The following CAPN15 variants were observed in gnomAD, a reference collection of about 807,000 sequenced individuals.
The protein encoded by CAPN15 is calpain-15.
CAPN15 carries 53 observed loss-of-function variants against 97.9 expected under a neutral mutation model. The ratio of observed to expected loss-of-function variants is 0.54; its 90% CI spans 0.43 to 0.68. CAPN15 has a LOEUF of 0.68. CAPN15 is among the 30% of genes least tolerant of loss of function. CAPN15 has a pLI of 0.00. For synonymous variants in CAPN15, 922 were observed against 722.5 expected (o/e 1.28, Z -4.43); for missense variants, 1,592 against 1,589.8 (o/e 1.00, Z -0.02).
chr16:545,090 C>G (rs1037117160), intron 3 of CAPN15, among the ~76,000 whole-genome samples: 1 of 151,962 alleles, frequency 6.6e-6, no homozygotes, highest in African/African-American at 2.4e-5. Flanking sequence ...TACTTCCAGG[C>G]TTTGGCGGTC....
chr16:534,175 G>A (rs185797041), intron 2 of CAPN15, among the ~76,000 whole-genome samples, 177 bp downstream of exon 2: 3 of 152,278 alleles, frequency 2.0e-5, no homozygotes, highest in Admixed American at 6.5e-5. Context: ...TCTCCCAGCC[G>A]TTTGGGCCGT....
At chr16:528,152 G>C (rs1458532623) in intron 1 of CAPN15, 123 bp downstream of exon 1, 5 of 150,460 alleles carry the variant, frequency 3.3e-5, no homozygotes, top group Admixed American at 3.3e-4. Flanking sequence ...GGGGCCGGGC[G>C]CGCCGGGCTC....
At position 551,443 on chromosome 16, in the gene CAPN15, C is replaced by G; in HGVS notation, c.2192+16C>G. ...AGGGCACCAGGTAGGGCCGGCCTGG[C>G]TGAGGGTGGGTGGGGTGCCGGTGAG... On this transcript the variant is annotated intron_variant, in intron 8 of 13. Transcript: ENST00000219611. 1 of 1,602,210 alleles carries G rather than the reference C, an allele frequency of 6.2e-7. No homozygotes were observed. Among genetic ancestry groups the G allele is most frequent in the African/African-American group, 1.3e-5 (1 of 74,846 alleles).
chr16:549,839 G>A lies in CAPN15; in HGVS notation c.2066+1G>A. The A allele has an allele frequency of 6.4e-7, 1 of 1,571,834 alleles. No homozygotes were observed. Among genetic ancestry groups the A allele is most frequent in the African/African-American group, 1.4e-5 (1 of 73,990 alleles). ...AAATGCTGAGTTCTAAGGAGGCTGG[G>A]TAAGAGGAGGGGCACTGCGTGGTCA... is the stretch of plus-strand genomic sequence containing the variant. On this transcript the variant is annotated splice_donor_variant, in intron 7 of 13. Transcript: ENST00000219611. LOFTEE classifies it high-confidence loss of function.
chr16:550,911 C>T (rs377744061), intron 7 of CAPN15, among the ~76,000 whole-genome samples: 2 of 126,158 alleles, frequency 1.6e-5, no homozygotes, highest in African/African-American at 7.8e-5. Context: ...GTGAGGGTCC[C>T]GGTCAGTGAG....
Position 552,600 on chromosome 16 carries a change from T to TG in CAPN15, c.2738-4dup. On this transcript the variant is annotated splice_polypyrimidine_tract_variant and splice_region_variant and intron_variant, in intron 11 of 13. Coordinates refer to ENST00000219611, the MANE Select transcript of CAPN15 (RefSeq NM_005632.3). The surrounding 1 kb of genome is among the most constrained non-coding windows in gnomAD (Gnocchi z 6.4). ...GGGCTGCGGTTCACACGCCCGTCCT[T>TG]GTAGCCTCCAGCCCCTCGGCAGGGG... 6.5e-7 allele frequency: 1 copy of TG among 1,542,344 alleles called. No individual in the cohort carries two copies.
In CAPN15 at chr16:551,580, A is replaced by G. The variant is rs2035081395; in HGVS notation, c.2261A>G (p.His754Arg). Residue 754 changes from histidine (H) to arginine (R), a missense_variant, in exon 9 of 14, where the codon CAC becomes CGC. Around this residue, in one of 3 missense-constraint regions of CAPN15, gnomAD observed 644 missense variants for 699.6 expected, o/e 0.92. Coordinates refer to ENST00000219611, the MANE Select transcript of CAPN15 (RefSeq NM_005632.3). ...GGCAGCTGGTCCGACGAGTGGCCAC[A>G]CTGGCCGGGGCACCTGCGTGGCGAG... ...WNGSWSDEWP[H>R]WPGHLRGELM... The G allele has an allele frequency of 1.9e-6, 3 of 1,610,884 alleles. No homozygotes were observed. Among genetic ancestry groups the G allele is most frequent in the African/African-American group, 1.3e-5 (1 of 74,934 alleles).
chr16:543,025 T>C (rs1163273860), intron 3 of CAPN15, among the ~76,000 whole-genome samples: 1 of 151,928 alleles, frequency 6.6e-6, no homozygotes, highest in Non-Finnish European at 1.5e-5. Context: ...CACTCCAGTG[T>C]GGGCGACAGA....
At chr16:533,255 A>C (rs2141954273) in intron 1 of CAPN15, among the ~76,000 whole-genome samples, 1 of 152,204 alleles carries the variant, frequency 6.6e-6, no homozygotes, top group Non-Finnish European at 1.5e-5. Flanking sequence ...ACCAACAAAA[A>C]AGAGGGTGAT....
At chr16:528,143 G>A (rs1302590833) in intron 1 of CAPN15, 114 bp downstream of exon 1, 2 of 149,694 alleles carry the variant, frequency 1.3e-5, no homozygotes, top group Non-Finnish European at 3.0e-5. Context: ...GAGGCCTCGG[G>A]GGCCGGGCGC....
Position 552,560 on chromosome 16 carries a change from C to G in CAPN15, c.2737+30C>G. On this transcript the variant is annotated intron_variant, in intron 11 of 13. Coordinates refer to ENST00000219611, the MANE Select transcript of CAPN15 (RefSeq NM_005632.3). The surrounding 1 kb of genome is among the most constrained non-coding windows in gnomAD (Gnocchi z 6.4). Reference sequence around the variant, plus strand: ...GTGGCCCCTACCCCAGGCTCATGCCCCAGGCCCACGGGGAGGGCTGCGGTT... The same window carrying G: ...GTGGCCCCTACCCCAGGCTCATGCCGCAGGCCCACGGGGAGGGCTGCGGTT... The G allele has an allele frequency of 1.9e-6, 3 of 1,573,282 alleles. No homozygotes were observed. Among genetic ancestry groups the G allele is most frequent in the Non-Finnish European group, 2.6e-6 (3 of 1,163,278 alleles).
Position 535,108 on chromosome 16 carries a change from C to T in CAPN15, c.-136-921C>T, listed in dbSNP as rs77327513. Among the ~76,000 whole-genome samples the T allele has an allele frequency of 0.041, 6,169 of 152,222 alleles. 427 individuals are homozygous for T. The highest frequency in any genetic ancestry group is 0.14 in the African/African-American group (5,825 of 41,494). ...GCTCCCATGTGGGCTCCCAGCTCCC[C>T]AGGTAGGGACGCTGACCCCGGGAGG... is the stretch of plus-strand genomic sequence containing the variant. On this transcript the variant is annotated intron_variant, in intron 2 of 13. Coordinates refer to ENST00000219611, the MANE Select transcript of CAPN15 (RefSeq NM_005632.3). The surrounding 1 kb of genome is among the most constrained non-coding windows in gnomAD (Gnocchi z 6.2).
intron 1 of CAPN15, among the ~76,000 whole-genome samples, 193 bp downstream of exon 1, chr16:528,222 C>T (rs888550476): frequency 1.3e-5 from 2 of 151,782 alleles, no homozygotes; most frequent in African/African-American, 4.8e-5. Context: ...CCCGCTGGCG[C>T]CTCCAGGCTG....
chr16:551,746 CCTG>C (rs1257242921), intron 9 of CAPN15, 82 bp downstream of exon 9: 6 of 1,539,130 alleles, frequency 3.9e-6, no homozygotes, highest in Non-Finnish European at 5.3e-6. Flanking sequence ...GCCTGTCCCT[CCTG>C]CTGACCTGGG....
intron 3 of CAPN15, among the ~76,000 whole-genome samples, chr16:541,833 G>A (rs2034141854): frequency 6.6e-6 from 1 of 152,076 alleles, no homozygotes; most frequent in Admixed American, 6.6e-5. Flanking sequence ...TGCAGAAGGT[G>A]CGTGGATGTG....
At chr16:546,733 G>T in intron 3 of CAPN15, 84 bp from the exon 4 acceptor site, 2 of 1,457,020 alleles carry the variant, frequency 1.4e-6, no homozygotes, top group Non-Finnish European at 1.8e-6. Flanking sequence ...CCACAGACGG[G>T]TGCCTTCCCC....
intron 1 of CAPN15, among the ~76,000 whole-genome samples, chr16:529,318 C>T (rs1044309672): frequency 1.3e-5 from 2 of 152,244 alleles, no homozygotes; most frequent in African/African-American, 4.8e-5. Flanking sequence ...GGCTGGTCCC[C>T]TGTAATGCTG....
rs2034848881 is a variant in CAPN15, at chr16:549,607, C to T, written c.1843-8C>T. 4 of 1,534,560 alleles carry T rather than the reference C, an allele frequency of 2.6e-6. No homozygotes were observed. Among genetic ancestry groups the T allele is most frequent in the African/African-American group, 2.7e-5 (2 of 72,980 alleles). On this transcript the variant is annotated splice_region_variant and splice_polypyrimidine_tract_variant and intron_variant, in intron 6 of 13. Transcript: ENST00000219611. ...GGCGGGGGTGGCCTCTGACCCGGCC[C>T]TCTGCAGGCGCAGCGGAAGCAGCTG...
At chr16:530,967 G>A (rs1020407398) in intron 1 of CAPN15, among the ~76,000 whole-genome samples, 11 of 152,368 alleles carry the variant, frequency 7.2e-5, no homozygotes, top group African/African-American at 2.6e-4. Context: ...CAGATACAAC[G>A]ATTTGTCAGA....
Sources: gnomAD v4.1 joint callset for allele counts (sites outside exome capture counted in the v4.1 genomes callset) on GRCh38, gnomAD v4.1.1 for gene constraint, gnomAD v4.1.1 regional missense constraint, Gnocchi (gnomAD v3.1) non-coding constraint, MANE v1.5 for transcripts, NCBI Gene and HGNC (gene_info 2026-07-23, HGNC 2026-07-21) for gene names.